ZFHX3: variants seen among roughly 807,000 people sequenced by gnomAD.
ZFHX3 encodes zinc finger homeobox protein 3.
In ZFHX3, 42 loss-of-function variants were observed where a neutral mutation model predicts 279.1. That is an observed-to-expected ratio of 0.15 (90% confidence interval 0.12 to 0.19). ZFHX3 has a LOEUF of 0.19. Among genes scored for constraint, ZFHX3 ranks in the 10% least tolerant of loss-of-function variants. The pLI is 1.00. For missense variants in ZFHX3, 4,981 were observed against 4,754.0 expected, an observed-to-expected ratio of 1.05 and a Z score of -1.40; for synonymous variants, 2,293 against 1,957.8, an observed-to-expected ratio of 1.17 and a Z score of -4.52.
chr16:73,624,991 G>C (rs894965696), intron 2 of ZFHX3, among the ~76,000 whole-genome samples: 2 of 152,208 alleles, frequency 1.3e-5, no homozygotes, highest in African/African-American at 4.8e-5. Context: ...CCAGAAGATG[G>C]ACAAATTTCA....
chr16:72,810,743 G>C (rs1402184898), intron 7 of ZFHX3, among the ~76,000 whole-genome samples: 1 of 152,128 alleles, frequency 6.6e-6, no homozygotes, highest in African/African-American at 2.4e-5. Context: ...AGTATCCACT[G>C]AGAAACTCCC....
intron 3 of ZFHX3, among the ~76,000 whole-genome samples, chr16:73,406,007 C>T (rs983994781): frequency 6.6e-6 from 1 of 152,214 alleles, no homozygotes; most frequent in Non-Finnish European, 1.5e-5. Flanking sequence ...GCAGCATCAG[C>T]GTAGATGCCC....
Position 73,875,857 on chromosome 16 carries a change from T to G in ZFHX3, c.-1608+15794A>C, listed in dbSNP as rs139635336. Among the ~76,000 whole-genome samples, 120 of 152,338 alleles carry G rather than the reference T, an allele frequency of 7.9e-4. 1 individual carries two copies. Among genetic ancestry groups the G allele is most frequent in the African/African-American group, 2.8e-3 (116 of 41,592 alleles). On this transcript the variant is annotated intron_variant, in intron 1 of 17. Transcript: ENST00000641206. ...GACAAAACCATGTTATCAATCCACC[T>G]ACACCGAACATTAAATATTTTAATA...
chr16:73,318,279 G>T (rs1400500574), exon 4 of ZFHX3: 4 of 152,148 alleles, frequency 2.6e-5, no homozygotes, highest in East Asian at 1.9e-4. Flanking sequence ...GAACCATGGG[G>T]TCAATTTTCT....
At chr16:73,008,949 T>C (rs1447377369) in intron 1 of ZFHX3, among the ~76,000 whole-genome samples, 5 of 151,964 alleles carry the variant, frequency 3.3e-5, no homozygotes, top group Non-Finnish European at 7.4e-5. Context: ...TATGTGTGTA[T>C]ATATATGTTA....
intron 4 of ZFHX3, among the ~76,000 whole-genome samples, chr16:72,834,183 G>A (rs1042544840): frequency 9.9e-5 from 15 of 152,196 alleles, no homozygotes; most frequent in African/African-American, 3.1e-4. Flanking sequence ...AGGCAGTTGA[G>A]GCTGCAGTGA....
chr16:73,796,100 T>G (rs1959978635), intron 1 of ZFHX3, among the ~76,000 whole-genome samples: 1 of 152,254 alleles, frequency 6.6e-6, no homozygotes, highest in African/African-American at 2.4e-5. Context: ...ATGTCATGAT[T>G]GTATTATGTA....
intron 1 of ZFHX3, among the ~76,000 whole-genome samples, chr16:73,798,963 C>T (rs1187935200): frequency 6.6e-6 from 1 of 152,200 alleles, no homozygotes; most frequent in Non-Finnish European, 1.5e-5. Context: ...GAAACAGACT[C>T]CTAGAATACA....
intron 4 of ZFHX3, among the ~76,000 whole-genome samples, chr16:73,269,253 C>T (rs1021887976): frequency 6.6e-6 from 1 of 152,084 alleles, no homozygotes; most frequent in Non-Finnish European, 1.5e-5. Flanking sequence ...AGGCACATCA[C>T]CACCACCACC....
chr16:73,760,716 A>T (rs2053855175), intron 1 of ZFHX3, among the ~76,000 whole-genome samples: 1 of 152,194 alleles, frequency 6.6e-6, no homozygotes, highest in South Asian at 2.1e-4. Context: ...AGAACTAAAG[A>T]CAAAAAACAC....
intron 4 of ZFHX3, among the ~76,000 whole-genome samples, chr16:72,884,023 CAAA>C (rs57103961): frequency 7.8e-6 from 1 of 127,436 alleles, no homozygotes; most frequent in Non-Finnish European, 1.7e-5. Flanking sequence ...TAGCTATTTA[CAAA>C]AAAAAAAAAA....
intron 2 of ZFHX3, among the ~76,000 whole-genome samples, chr16:72,956,445 G>A (rs1158308101): frequency 1.3e-5 from 2 of 152,190 alleles, no homozygotes; most frequent in Admixed American, 6.5e-5. Flanking sequence ...CTATCAGAAG[G>A]TTCTCATGAA....
chr16:73,148,342 A>C (rs1471272254), intron 5 of ZFHX3, among the ~76,000 whole-genome samples: 1 of 152,204 alleles, frequency 6.6e-6, no homozygotes, highest in Non-Finnish European at 1.5e-5. Flanking sequence ...TCAAGAAACA[A>C]ATATTTCCCC....
intron 3 of ZFHX3, among the ~76,000 whole-genome samples, chr16:73,372,843 C>A (rs973016873): frequency 1.3e-5 from 2 of 152,128 alleles, no homozygotes; most frequent in African/African-American, 4.8e-5. Flanking sequence ...TCAAAAAGCT[C>A]GCAGCCATCC....
intron 1 of ZFHX3, among the ~76,000 whole-genome samples, chr16:73,719,608 G>A (rs1478939148): frequency 6.6e-6 from 1 of 152,052 alleles, no homozygotes; most frequent in Non-Finnish European, 1.5e-5. Flanking sequence ...ACAGTGTTAA[G>A]GGTATTATAG....
chr16:72,992,058 G>GGGGT (rs1190908016), intron 1 of ZFHX3, among the ~76,000 whole-genome samples: 5 of 152,208 alleles, frequency 3.3e-5, no homozygotes, highest in Admixed American at 3.3e-4. Flanking sequence ...TGGGGGCAGA[G>GGGGT]GGGTCTCTTC....
chr16:73,675,610 AAAG>A (rs1336248916), intron 2 of ZFHX3, among the ~76,000 whole-genome samples: 2 of 152,070 alleles, frequency 1.3e-5, no homozygotes, highest in African/African-American at 2.4e-5. Flanking sequence ...CGGTTCCTGA[AAAG>A]AAGAATAGGA....
intron 1 of ZFHX3, among the ~76,000 whole-genome samples, chr16:73,834,710 G>A (rs1018818252): frequency 3.9e-5 from 6 of 152,150 alleles, no homozygotes; most frequent in African/African-American, 1.4e-4. Context: ...GGCCAACATG[G>A]TGAAACCCTG....
chr16:73,540,922 T>C (rs1043019665), intron 2 of ZFHX3, among the ~76,000 whole-genome samples: 1 of 152,080 alleles, frequency 6.6e-6, no homozygotes, highest in Non-Finnish European at 1.5e-5. Context: ...TTCCTAAATG[T>C]AGGGATTTTG....
Sources: allele counts gnomAD v4.1 joint callset (sites outside exome capture counted in the v4.1 genomes callset), GRCh38; gene constraint gnomAD v4.1.1; transcripts MANE v1.5; gene names NCBI Gene and HGNC (gene_info 2026-07-23, HGNC 2026-07-21).